The following CHST11 variants were observed in gnomAD, a reference collection of about 807,000 sequenced individuals.
CHST11 encodes carbohydrate sulfotransferase 11, also known as C4S-1.
CHST11 carries 9 observed loss-of-function variants against 30.4 expected under a neutral mutation model. The ratio of observed to expected loss-of-function variants is 0.30; its 90% confidence interval spans 0.18 to 0.52. CHST11 has a LOEUF of 0.52. Among genes scored for constraint, CHST11 ranks in the 20% least tolerant of loss-of-function variants. The pLI, the probability that CHST11 is intolerant of heterozygous loss-of-function variation, is 0.97. For missense variants in CHST11, 348 were observed against 460.6 expected (o/e 0.76, Z 2.24); for synonymous variants, 152 against 187.8 (o/e 0.81, Z 1.56).
intron 1 of CHST11, among the ~76,000 whole-genome samples, chr12:104,540,645 G>A (rs957084943): frequency 2.0e-5 from 3 of 152,198 alleles, no homozygotes; most frequent in Non-Finnish European, 4.4e-5. Context: ...AGCAGAATCA[G>A]AACGATTGAT....
At chr12:104,662,372 A>G (rs1218202285) in intron 2 of CHST11, among the ~76,000 whole-genome samples, 1 of 152,210 alleles carries the variant, frequency 6.6e-6, no homozygotes, top group African/African-American at 2.4e-5. Context: ...GAATCATCAA[A>G]TGAAAGGGCT....
chr12:104,512,369 CA>C lies in CHST11; in HGVS notation c.118+54843del, dbSNP rs556623008. On this transcript the variant is annotated intron_variant, in intron 1 of 2. Transcript: ENST00000303694. Reference sequence around the variant, plus strand: ...CTCCTGTTTTATAGATTCAGTTCCACAAATATTTATTATCGAGTGCCTGTGT... The same window carrying C: ...CTCCTGTTTTATAGATTCAGTTCCACAATATTTATTATCGAGTGCCTGTGT... Among the ~76,000 whole-genome samples the C allele has an allele frequency of 4.3e-3, 652 of 152,260 alleles. 6 individuals are homozygous for C. The highest frequency in any genetic ancestry group is 0.015 in the African/African-American group (619 of 41,550).
chr12:104,501,455 C>T (rs2037853259), intron 1 of CHST11, among the ~76,000 whole-genome samples: 1 of 152,206 alleles, frequency 6.6e-6, no homozygotes, highest in African/African-American at 2.4e-5. Flanking sequence ...AGTACTTTTT[C>T]TCCCTCTTAG....
At chr12:104,731,711 G>C (rs540677746) in intron 2 of CHST11, among the ~76,000 whole-genome samples, 1 of 152,184 alleles carries the variant, frequency 6.6e-6, no homozygotes, top group Non-Finnish European at 1.5e-5. Flanking sequence ...AAGGATTCGG[G>C]GTATAATGTG....
intron 2 of CHST11, among the ~76,000 whole-genome samples, chr12:104,656,574 C>G (rs1005866471): frequency 2.0e-5 from 3 of 152,200 alleles, no homozygotes; most frequent in African/African-American, 4.8e-5. Context: ...GGTGACTCTT[C>G]GTTGGCCTCT....
At chr12:104,534,846 C>G (rs1157797485) in intron 1 of CHST11, among the ~76,000 whole-genome samples, 1 of 152,168 alleles carries the variant, frequency 6.6e-6, no homozygotes, top group African/African-American at 2.4e-5. Context: ...GGCTAGAAAT[C>G]TTTTTATTTC....
At chr12:104,666,843 G>A (rs577351436) in intron 2 of CHST11, among the ~76,000 whole-genome samples, 87 of 151,776 alleles carry the variant, frequency 5.7e-4, no homozygotes, top group Non-Finnish European at 1.1e-3. Flanking sequence ...CTACAGTACC[G>A]TGTGCGGTGG....
intron 1 of CHST11, among the ~76,000 whole-genome samples, chr12:104,558,030 T>C (rs2038474461): frequency 6.6e-6 from 1 of 152,058 alleles, no homozygotes; most frequent in South Asian, 2.1e-4. Flanking sequence ...CCAGCTCTGC[T>C]GTGCGGAGAG....
chr12:104,499,836 T>C (rs1030174699), intron 1 of CHST11, among the ~76,000 whole-genome samples: 10 of 152,320 alleles, frequency 6.6e-5, no homozygotes, highest in Admixed American at 1.3e-4. Flanking sequence ...CCTGTGGCCA[T>C]GGGACTGCCC....
chr12:104,692,468 C>T (rs570559977), intron 2 of CHST11, among the ~76,000 whole-genome samples: 2 of 152,360 alleles, frequency 1.3e-5, no homozygotes, highest in South Asian at 4.1e-4. Context: ...TTACAAACCT[C>T]TGAGGGAAAC....
intron 1 of CHST11, among the ~76,000 whole-genome samples, chr12:104,509,805 G>A (rs1342076166): frequency 6.6e-6 from 1 of 152,182 alleles, no homozygotes; most frequent in East Asian, 1.9e-4. Flanking sequence ...TATTGCCTGT[G>A]TTATTTAAGG....
chr12:104,602,128 T>C (rs2038962364), intron 2 of CHST11, 137 bp downstream of exon 2: 1 of 645,310 alleles, frequency 1.5e-6, no homozygotes, highest in East Asian at 2.7e-5. Flanking sequence ...GTGGTTGCTT[T>C]CTCCGTCACC....
In CHST11 at chr12:104,458,853, A is replaced by AT. The variant is rs2037381438; in HGVS notation, c.118+1324_118+1325insT. 3.3e-5 allele frequency among the ~76,000 whole-genome samples: 5 copies of AT among 152,336 alleles called. No individual in the cohort carries two copies. In the South Asian group the frequency reaches 8.3e-4, roughly 25 times the overall value. On this transcript the variant is annotated intron_variant, in intron 1 of 2. Transcript: ENST00000303694. The surrounding 1 kb of genome is among the most constrained non-coding windows in gnomAD (Gnocchi z 5.7). The stretch of plus-strand genomic sequence containing the variant: ...CTTTCACTGTGTATCTAACACTTTA[A>AT]ACAGACGCAGTCCCGAATTCATCAA...
At chr12:104,585,663 A>G (rs570263253) in intron 1 of CHST11, among the ~76,000 whole-genome samples, 1 of 152,346 alleles carries the variant, frequency 6.6e-6, no homozygotes, top group Admixed American at 6.5e-5. Flanking sequence ...ACCCATGTGT[A>G]TCAGTTTGCT....
intron 2 of CHST11, among the ~76,000 whole-genome samples, chr12:104,608,513 A>T (rs1263937438): frequency 6.6e-6 from 1 of 152,166 alleles, no homozygotes; most frequent in Non-Finnish European, 1.5e-5. Context: ...GCCTTTGTCT[A>T]CTTGCAGTCA....
At chr12:104,551,718 G>C (rs1202366902) in intron 1 of CHST11, among the ~76,000 whole-genome samples, 7 of 152,140 alleles carry the variant, frequency 4.6e-5, no homozygotes, top group Non-Finnish European at 7.3e-5. Context: ...GTGTGGGTTT[G>C]ATAGCCATTT....
intron 2 of CHST11, among the ~76,000 whole-genome samples, chr12:104,668,126 G>A (rs904605133): frequency 2.0e-5 from 3 of 152,160 alleles, no homozygotes; most frequent in Admixed American, 6.5e-5. Flanking sequence ...TTGAGCTAAC[G>A]ACTTAACTTC....
chr12:104,585,946 C>A (rs2038800444), intron 1 of CHST11, among the ~76,000 whole-genome samples: 1 of 152,140 alleles, frequency 6.6e-6, no homozygotes, highest in Admixed American at 6.5e-5. Flanking sequence ...TCTGTGGGTC[C>A]CCTCCTCTTC....
chr12:104,688,125 C>T (rs749755567), intron 2 of CHST11, among the ~76,000 whole-genome samples: 5 of 152,276 alleles, frequency 3.3e-5, no homozygotes, highest in East Asian at 1.9e-4. Context: ...GCGTTAAGAA[C>T]GCCAGGCTGT....
Sources: gnomAD v4.1 joint callset for allele counts (sites outside exome capture counted in the v4.1 genomes callset) on GRCh38, gnomAD v4.1.1 for gene constraint, Gnocchi (gnomAD v3.1) non-coding constraint, MANE v1.5 for transcripts, NCBI Gene and HGNC (gene_info 2026-07-23, HGNC 2026-07-21) for gene names.